KCNIP4: variants seen among roughly 807,000 people sequenced by gnomAD.
KCNIP4 encodes the protein Kv channel-interacting protein 4.
Under a neutral mutation model 34.0 loss-of-function variants are expected in KCNIP4, and 12 were observed. The observed-to-expected ratio is 0.35, with a 90% CI of 0.23 to 0.57. The LOEUF is 0.57. Among genes scored for constraint, KCNIP4 ranks in the 20% least tolerant of loss-of-function variants. The pLI is 0.83. For missense variants in KCNIP4, 238 were observed against 311.7 expected (o/e 0.76, Z 1.78); for synonymous variants, 124 against 102.2 (o/e 1.21, Z -1.29).
chr4:21,886,014 G>T (rs1192080964), intron 1 of KCNIP4, among the ~76,000 whole-genome samples: 1 of 151,958 alleles, frequency 6.6e-6, no homozygotes, highest in Non-Finnish European at 1.5e-5. Flanking sequence ...CTTGTCATGT[G>T]GATAAGGCTT....
chr4:21,167,528 G>T (rs371000440), intron 1 of KCNIP4, among the ~76,000 whole-genome samples: 1 of 152,118 alleles, frequency 6.6e-6, no homozygotes, highest in East Asian at 1.9e-4. Context: ...TTTTCATTTA[G>T]CATGGCTAAC....
chr4:20,733,084 T>A (rs572800515), intron 6 of KCNIP4, among the ~76,000 whole-genome samples: 1 of 152,332 alleles, frequency 6.6e-6, no homozygotes, highest in East Asian at 1.9e-4. Context: ...TGGATTTCTA[T>A]AGACTTTAAG....
chr4:21,652,577 A>C (rs1747584862), intron 1 of KCNIP4, among the ~76,000 whole-genome samples: 1 of 152,148 alleles, frequency 6.6e-6, no homozygotes, highest in Non-Finnish European at 1.5e-5. Flanking sequence ...GTGCTTGCTG[A>C]TATATAAGGA....
chr4:20,803,420 C>G lies in KCNIP4; in HGVS notation c.289-44530G>C, dbSNP rs1173602448. On this transcript the variant is annotated intron_variant, in intron 3 of 8. Transcript: ENST00000382152. ...GCTAAGGTGGGTGGAATGCCCTGAG[C>G]TCAGGAGTTCAAGACCAGCCTGGGG... 3.6e-5 allele frequency among the ~76,000 whole-genome samples: 5 copies of G among 140,126 alleles called. No homozygotes were observed. In the East Asian group the frequency reaches 8.3e-4, roughly 23 times the overall value. The allele number at this position is 140,126 out of a possible 152,430, so 91.9% of individuals were successfully genotyped here.
chr4:20,749,886 G>A (rs1344852875), intron 4 of KCNIP4, among the ~76,000 whole-genome samples, 154 bp from the exon 5 acceptor site: 2 of 152,300 alleles, frequency 1.3e-5, no homozygotes, highest in South Asian at 4.1e-4. Flanking sequence ...TTTCTGTAGA[G>A]GACTAGAGTT....
At chr4:20,770,949 TAAAC>T (rs34207680) in intron 3 of KCNIP4, among the ~76,000 whole-genome samples, 41 of 151,868 alleles carry the variant, frequency 2.7e-4, no homozygotes, top group South Asian at 8.3e-4. Flanking sequence ...AATAAATAAA[TAAAC>T]AAACAATATG....
At chr4:21,200,991 G>A (rs1756450702) in intron 1 of KCNIP4, among the ~76,000 whole-genome samples, 1 of 152,080 alleles carries the variant, frequency 6.6e-6, no homozygotes, top group African/African-American at 2.4e-5. Context: ...GAGTACTTAA[G>A]TGACTTGTCC....
chr4:21,577,341 C>T (rs1740821338), intron 1 of KCNIP4, among the ~76,000 whole-genome samples: 1 of 152,232 alleles, frequency 6.6e-6, no homozygotes, highest in Admixed American at 6.5e-5. Context: ...TTTAGAACTG[C>T]AATTCCAGCT....
rs1176012766 is a variant in KCNIP4 at position 21,692,823 on chromosome 4, T to C, written c.61+255748A>G. Among the ~76,000 whole-genome samples the C allele has an allele frequency of 2.1e-5, 3 of 145,828 alleles. No individual in the cohort carries two copies. The East Asian group carries it at 6.0e-4, about 29-fold the overall frequency. Reference sequence around the variant, plus strand: ...ACTTGAACTGGGAAATAGAAAATCCTGTCATTTTTTTTTTTTTTTTTTTTT... The same window carrying C: ...ACTTGAACTGGGAAATAGAAAATCCCGTCATTTTTTTTTTTTTTTTTTTTT... On this transcript the variant is annotated intron_variant, in intron 1 of 8. Coordinates refer to ENST00000382152, the MANE Select transcript of KCNIP4 (RefSeq NM_025221.6).
rs183289289 is a variant in KCNIP4, at chr4:21,554,606, C to T, written c.61+393965G>A. Reference sequence around the variant, plus strand: ...ATCTTGTGCTTCACTGAACATGTCACGAGTTTGCAGAAACAATTCCTTCTG... The same window carrying T: ...ATCTTGTGCTTCACTGAACATGTCATGAGTTTGCAGAAACAATTCCTTCTG... On this transcript the variant is annotated intron_variant, in intron 1 of 8. Transcript: ENST00000382152. 7.2e-5 allele frequency among the ~76,000 whole-genome samples: 11 copies of T among 152,190 alleles called. No individual in the cohort carries two copies. The East Asian group carries it at 2.1e-3, about 29-fold the overall frequency.
At position 21,543,474 on chromosome 4, in the gene KCNIP4, C is replaced by A. The variant is rs1841367; in HGVS notation, c.61+405097G>T. ...GTGTAATCTCTGGACCCCATGAAAC[C>A]TAAATTTGCTCTACAATAGAGGTAT... On this transcript the variant is annotated intron_variant, in intron 1 of 8. Coordinates refer to ENST00000382152, the MANE Select transcript of KCNIP4 (RefSeq NM_025221.6). 2.7e-3 allele frequency among the ~76,000 whole-genome samples: 408 copies of A among 151,970 alleles called. 2 individuals are homozygous for A. Among genetic ancestry groups the A allele is most frequent in the African/African-American group, 9.5e-3 (392 of 41,480 alleles).
chr4:20,917,923 C>T (rs1729011955), intron 1 of KCNIP4, among the ~76,000 whole-genome samples: 1 of 152,074 alleles, frequency 6.6e-6, no homozygotes, highest in African/African-American at 2.4e-5. Flanking sequence ...CCAACTTGGC[C>T]TTCCTCAGGA....
intron 1 of KCNIP4, among the ~76,000 whole-genome samples, chr4:21,913,354 T>A (rs1728448433): frequency 6.9e-6 from 1 of 143,976 alleles, no homozygotes; most frequent in South Asian, 2.4e-4. Flanking sequence ...TTGTTTTTTT[T>A]TTCTTTTTCC....
intron 1 of KCNIP4, among the ~76,000 whole-genome samples, chr4:21,812,109 C>A (rs1721694474): frequency 6.6e-6 from 1 of 152,202 alleles, no homozygotes; most frequent in Non-Finnish European, 1.5e-5. Flanking sequence ...TTCACAATAA[C>A]TATTTTCCAG....
chr4:20,972,505 T>C (rs1735055943), intron 1 of KCNIP4, among the ~76,000 whole-genome samples: 1 of 152,262 alleles, frequency 6.6e-6, no homozygotes, highest in South Asian at 2.1e-4. Context: ...TGAGAACTAA[T>C]ATTTTGAAAG....
chr4:20,729,259 C>G lies in KCNIP4; in HGVS notation c.*823G>C, dbSNP rs959677059. The G allele has an allele frequency of 4.0e-5, 6 of 151,830 alleles. No individual in the cohort carries two copies. Among genetic ancestry groups the G allele is most frequent in the African/African-American group, 1.5e-4 (6 of 41,290 alleles). 9.4% of individuals were successfully genotyped at this position (151,830 alleles called of 1,614,324 possible). Reference sequence around the variant, plus strand: ...GGAGGATAGATATCCTGACCCTTTGCATATGTCTGTAAACATCCTTGTTTT... The same window carrying G: ...GGAGGATAGATATCCTGACCCTTTGGATATGTCTGTAAACATCCTTGTTTT... On this transcript the variant is annotated 3_prime_UTR_variant, in exon 9 of 9. Coordinates refer to ENST00000382152, the MANE Select transcript of KCNIP4 (RefSeq NM_025221.6).
intron 3 of KCNIP4, among the ~76,000 whole-genome samples, chr4:20,829,992 T>G (rs1718225806): frequency 6.6e-6 from 1 of 152,154 alleles, no homozygotes; most frequent in African/African-American, 2.4e-5. Context: ...CCAAGCAAGA[T>G]GAGGCTCCTG....
At chr4:21,921,335 T>C (rs2108995669) in intron 1 of KCNIP4, among the ~76,000 whole-genome samples, 1 of 152,246 alleles carries the variant, frequency 6.6e-6, no homozygotes. Flanking sequence ...ATGCCTCACC[T>C]TCTTCTCTTC....
intron 1 of KCNIP4, among the ~76,000 whole-genome samples, chr4:21,175,138 TA>T (rs5856609): frequency 0.59 from 87,933 of 149,760 alleles, 25,824 homozygotes; most frequent in African/African-American, 0.64. Context: ...ATAATTTACT[TA>T]AAAAAAAAAA....
Sources: allele counts gnomAD v4.1 joint callset (sites outside exome capture counted in the v4.1 genomes callset), GRCh38; gene constraint gnomAD v4.1.1; transcripts MANE v1.5; gene names NCBI Gene and HGNC (gene_info 2026-07-23, HGNC 2026-07-21).